PCDHGA2: variants seen among roughly 807,000 people sequenced by gnomAD.
PCDHGA2 encodes protocadherin gamma-A2.
A neutral mutation model predicts 59.2 loss-of-function variants in PCDHGA2; 40 were observed. The observed-to-expected ratio is 0.68, with a 90% CI of 0.52 to 0.88. PCDHGA2 has a LOEUF of 0.88. Ranked by LOEUF, PCDHGA2 falls within the 40% of genes least tolerant of loss-of-function variation. The pLI is 0.00. For missense variants in PCDHGA2, 1,226 were observed against 1,204.0 expected (o/e 1.02, Z -0.27); for synonymous variants, 560 against 526.0 (o/e 1.06, Z -0.89).
At chr5:141,502,139 C>G (rs923501238) in intron 2 of PCDHGA2, among the ~76,000 whole-genome samples, 1 of 152,104 alleles carries the variant, frequency 6.6e-6, no homozygotes, top group Non-Finnish European at 1.5e-5. Flanking sequence ...TCAGTCGGGC[C>G]GGAAGTAAGG....
chr5:141,350,146 C>T lies in PCDHGA2; in HGVS notation c.2424+8751C>T, dbSNP rs1196056385. Reference sequence around the variant, plus strand: ...ACTGAGCACAGACGCTGCTCCTGTTCACCCTCGAGCGCCTAACTAATAAGT... The same window carrying T: ...ACTGAGCACAGACGCTGCTCCTGTTTACCCTCGAGCGCCTAACTAATAAGT... On this transcript the variant is annotated intron_variant, in intron 1 of 3. Transcript: ENST00000394576. The T allele has an allele frequency of 3.4e-6, 3 of 877,570 alleles. No homozygotes were observed. The East Asian group carries it at 8.6e-5, about 25-fold the overall frequency. 54.4% of individuals were successfully genotyped at this position (877,570 alleles called of 1,614,324 possible).
intron 3 of PCDHGA2, among the ~76,000 whole-genome samples, chr5:141,507,893 G>C (rs750472786): frequency 2.2e-4 from 33 of 152,356 alleles, no homozygotes; most frequent in Non-Finnish European, 4.1e-4. Context: ...AGAGGTTCCT[G>C]AAGTCCAGCC....
At chr5:141,350,989 A>G (rs1469049462) in intron 1 of PCDHGA2, 7 of 1,614,080 alleles carry the variant, frequency 4.3e-6, no homozygotes, top group Admixed American at 1.7e-5. Context: ...GCCAGGAGGT[A>G]TACAGGGTTA....
intron 1 of PCDHGA2, chr5:141,366,547 C>T: frequency 6.2e-7 from 1 of 1,614,240 alleles, no homozygotes; most frequent in Non-Finnish European, 8.5e-7. Flanking sequence ...CCGCCTCGCA[C>T]TTTGTGGGCG....
chr5:141,476,521 C>T lies in PCDHGA2; in HGVS notation c.2425-18286C>T. On this transcript the variant is annotated intron_variant, in intron 1 of 3. Transcript: ENST00000394576. The surrounding 1 kb of genome is among the most constrained non-coding windows in gnomAD (Gnocchi z 7.6). ...ACATCAACGACAACAATCCTGCTTT[C>T]CCTACCCAGGAAATGAAATTGGAGA... 4 of 1,614,214 alleles carry T rather than the reference C, an allele frequency of 2.5e-6. No homozygotes were observed. The highest frequency in any genetic ancestry group is 3.4e-6 in the Non-Finnish European group (4 of 1,180,036).
chr5:141,394,929 G>C, intron 1 of PCDHGA2: 4 of 1,613,762 alleles, frequency 2.5e-6, no homozygotes, highest in Non-Finnish European at 3.4e-6. Flanking sequence ...TGTCTTCCTC[G>C]CCTTTGTCGC....
intron 1 of PCDHGA2, chr5:141,371,678 C>A: frequency 2.5e-6 from 4 of 1,614,040 alleles, no homozygotes; most frequent in Non-Finnish European, 3.4e-6. Flanking sequence ...CCGACAAAGG[C>A]AATCCACCGC....
chr5:141,360,046 C>T, intron 1 of PCDHGA2: 1 of 1,430,464 alleles, frequency 7.0e-7, no homozygotes, highest in Non-Finnish European at 9.2e-7. Context: ...AAACAGAAAA[C>T]AAAAGCAGGA....
chr5:141,455,817 A>G (rs1251279680), intron 1 of PCDHGA2, among the ~76,000 whole-genome samples: 3 of 151,882 alleles, frequency 2.0e-5, no homozygotes, highest in Non-Finnish European at 4.4e-5. Flanking sequence ...AAAACTTCCC[A>G]AGGACCCCTT....
intron 1 of PCDHGA2, chr5:141,442,120 C>G (rs766641164): frequency 6.0e-6 from 1 of 165,340 alleles, no homozygotes; most frequent in Admixed American, 6.5e-5. Flanking sequence ...CCCTCGTCGC[C>G]GACAGCCTGC....
chr5:141,409,173 G>T (rs1235074997), intron 1 of PCDHGA2: 3 of 1,614,028 alleles, frequency 1.9e-6, no homozygotes. Flanking sequence ...GCGAAGGACG[G>T]AGGTGGTCTC....
At position 141,403,415 on chromosome 5, in the gene PCDHGA2, C is replaced by T. The variant is rs770058522; in HGVS notation, c.2424+62020C>T. 6.8e-6 allele frequency: 11 copies of T among 1,614,046 alleles called. No individual in the cohort carries two copies. The South Asian group carries it at 1.2e-4, about 18-fold the overall frequency. ...GGTTCCTGGAGCACGTTATCCACTT[C>T]CAGAAGCTATTGATCCGGATGTTGG... On this transcript the variant is annotated intron_variant, in intron 1 of 3. Coordinates refer to ENST00000394576, the MANE Select transcript of PCDHGA2 (RefSeq NM_018915.4).
chr5:141,366,655 C>T (rs761615702), intron 1 of PCDHGA2: 7 of 1,614,102 alleles, frequency 4.3e-6, no homozygotes, highest in African/African-American at 2.7e-5. Context: ...AGCCCAACTA[C>T]GCAGACACGC....
chr5:141,344,278 G>T (rs757495940), intron 1 of PCDHGA2: 2 of 1,614,098 alleles, frequency 1.2e-6, no homozygotes, highest in South Asian at 2.2e-5. Context: ...CCGCAAAGCG[G>T]CAGCTTGGTC....
intron 1 of PCDHGA2, chr5:141,415,738 A>G (rs2095905853): frequency 5.6e-6 from 3 of 538,228 alleles, no homozygotes; most frequent in South Asian, 3.9e-5. Context: ...ATGTTTATTA[A>G]GGTTTTTTTT....
intron 1 of PCDHGA2, chr5:141,366,917 A>G: frequency 9.1e-7 from 1 of 1,095,104 alleles, no homozygotes; most frequent in South Asian, 1.7e-5. Context: ...ATTTGTTTTC[A>G]AATTCTGTTT....
intron 1 of PCDHGA2, chr5:141,355,283 C>T: frequency 6.2e-7 from 1 of 1,613,722 alleles, no homozygotes; most frequent in East Asian, 2.2e-5. Flanking sequence ...GAAATCAGGG[C>T]CGAACAGATT....
At chr5:141,381,826 CTTTTTTTTTT>C (rs770630741) in intron 1 of PCDHGA2, among the ~76,000 whole-genome samples, 5 of 74,284 alleles carry the variant, frequency 6.7e-5, no homozygotes, top group South Asian at 5.1e-4. Context: ...CTTTCTTCTT[CTTTTTTTTTT>C]TTTTTTTTTT....
intron 1 of PCDHGA2, chr5:141,389,202 A>G (rs2091644944): frequency 6.2e-6 from 10 of 1,613,852 alleles, no homozygotes; most frequent in Non-Finnish European, 8.5e-6. Context: ...CACCCTGCAC[A>G]TTGGTGATGT....
Sources: gnomAD v4.1 joint callset for allele counts (sites outside exome capture counted in the v4.1 genomes callset) on GRCh38, gnomAD v4.1.1 for gene constraint, Gnocchi (gnomAD v3.1) non-coding constraint, MANE v1.5 for transcripts, NCBI Gene and HGNC (gene_info 2026-07-23, HGNC 2026-07-21) for gene names.